The following MTX2 variants were observed in gnomAD, a reference collection of about 807,000 sequenced individuals.
The protein encoded by MTX2 is metaxin 2, also known as metaxin-2.
In MTX2, 35 loss-of-function variants were observed where a neutral mutation model predicts 42.3. The observed-to-expected ratio is 0.83, with a 90% CI of 0.63 to 1.10. The LOEUF is 1.10. Ranked by LOEUF, MTX2 falls within the 50% of genes least tolerant of loss-of-function variation. MTX2 has a pLI of 0.00. For synonymous variants in MTX2, 119 were observed against 100.9 expected, an observed-to-expected ratio of 1.18 and a Z score of -1.08; for missense variants, 307 against 304.1, an observed-to-expected ratio of 1.01 and a Z score of -0.07.
intron 3 of MTX2, among the ~76,000 whole-genome samples, 167 bp downstream of exon 3, chr2:176,298,062 A>G (rs898335405): frequency 1.3e-5 from 2 of 151,880 alleles, no homozygotes; most frequent in African/African-American, 4.8e-5. Flanking sequence ...GTGAAGAATA[A>G]TTTTATTATG....
At position 176,337,847 on chromosome 2, in the gene MTX2, AT is replaced by A; in HGVS notation, c.*186del. The stretch of plus-strand genomic sequence containing the variant: ...GTATACATTAAAATAATTCTGAATT[AT>A]TTAATCTGATATGTTGTATTCTGTA... On this transcript the variant is annotated 3_prime_UTR_variant, in exon 10 of 10. Coordinates refer to ENST00000249442, the MANE Select transcript of MTX2 (RefSeq NM_006554.5). The A allele has an allele frequency of 2.2e-6, 1 of 457,650 alleles. No individual in the cohort carries two copies. The allele number at this position is 457,650 out of a possible 1,614,324, so 28.3% of individuals were successfully genotyped here.
At chr2:176,288,228 ATAAAGTCCCATATCATCATATTTTAAGTC>A (rs1358821637) in intron 1 of MTX2, among the ~76,000 whole-genome samples, 13 of 152,228 alleles carry the variant, frequency 8.5e-5, no homozygotes, top group African/African-American at 2.6e-4. Context: ...TTCAGTTTTG[ATAAAGTCCCATATCATCATATTTTAAGTC>A]TAAACATCTT....
chr2:176,330,708 G>A (rs915678373), intron 9 of MTX2, 48 bp downstream of exon 9: 7 of 1,285,808 alleles, frequency 5.4e-6, no homozygotes, highest in Non-Finnish European at 7.7e-6. Flanking sequence ...CTGTTAGGTT[G>A]CAAATTTCTT....
chr2:176,274,644 A>G lies in MTX2; in HGVS notation c.40+4975A>G, dbSNP rs1692903347. 2.6e-5 allele frequency among the ~76,000 whole-genome samples: 4 copies of G among 152,160 alleles called. No individual in the cohort carries two copies. In the South Asian group the frequency reaches 8.3e-4, roughly 32 times the overall value. ...TGGCAAAGTAAGTGCAAAGCATGCA[A>G]GGCGGGCAGTCAGGAGCCGGGGGAG... On this transcript the variant is annotated intron_variant, in intron 1 of 9. Transcript: ENST00000249442.
At chr2:176,270,158 C>T (rs909680943) in intron 1 of MTX2, 3 of 332,748 alleles carry the variant, frequency 9.0e-6, no homozygotes, top group African/African-American at 4.3e-5. Context: ...TTTGCTAAGA[C>T]TCTAGGAGTT....
rs6751724 is a variant in MTX2, at chr2:176,311,850, C to T, written c.136-11542C>T. ...GAAAGGGATATCCCCTGACCCCTTG[C>T]GCTTCCTGGGTGAGGCAGTGCCCCA... On this transcript the variant is annotated intron_variant, in intron 3 of 9. Transcript: ENST00000249442. Among the ~76,000 whole-genome samples the T allele has an allele frequency of 7.3e-4, 111 of 152,188 alleles. 1 individual carries two copies. The highest frequency in any genetic ancestry group is 1.9e-3 in the African/African-American group (78 of 41,526).
chr2:176,322,062 T>A (rs1263772955), intron 3 of MTX2, among the ~76,000 whole-genome samples: 2 of 152,096 alleles, frequency 1.3e-5, no homozygotes, highest in Non-Finnish European at 2.9e-5. Flanking sequence ...CATGCATACA[T>A]AAGTTACAGA....
chr2:176,328,078 A>G (rs1684752790), intron 5 of MTX2, among the ~76,000 whole-genome samples: 1 of 151,216 alleles, frequency 6.6e-6, no homozygotes, highest in African/African-American at 2.4e-5. Context: ...TCTCTATTGA[A>G]AGATACATTT....
rs1346521587 is a variant in MTX2, at chr2:176,337,434, GT to G, written c.621-55del. 6.3e-6 allele frequency: 9 copies of G among 1,432,956 alleles called. No homozygotes were observed. In the African/African-American group the frequency reaches 1.2e-4, roughly 18 times the overall value. The allele number at this position is 1,432,956 out of a possible 1,614,324, so 88.8% of individuals were successfully genotyped here. On this transcript the variant is annotated intron_variant, in intron 9 of 9. Coordinates refer to ENST00000249442, the MANE Select transcript of MTX2 (RefSeq NM_006554.5). ...CCTGTGGGTGAAGAGGGCCAACTGT[GT>G]TTTCTATTGTAAAAGTTAAATGCTA... is the stretch of plus-strand genomic sequence containing the variant.
chr2:176,290,804 A>T (rs1403933579), intron 1 of MTX2, among the ~76,000 whole-genome samples: 2 of 148,786 alleles, frequency 1.3e-5, no homozygotes, highest in Non-Finnish European at 3.0e-5. Flanking sequence ...TGTGTGCAAG[A>T]CAACCCTTTG....
intron 7 of MTX2, 104 bp from the exon 8 acceptor site, chr2:176,329,197 C>G (rs1684794921): frequency 1.5e-6 from 2 of 1,310,300 alleles, no homozygotes; most frequent in Non-Finnish European, 2.1e-6. Context: ...TCAGATTGCT[C>G]TATTTATGTT....
intron 4 of MTX2, among the ~76,000 whole-genome samples, chr2:176,326,320 T>G (rs907845825): frequency 6.6e-6 from 1 of 151,728 alleles, no homozygotes; most frequent in African/African-American, 2.4e-5. Flanking sequence ...TTAAAGAGAT[T>G]TATTGATATA....
At chr2:176,319,539 C>T (rs1237565136) in intron 3 of MTX2, among the ~76,000 whole-genome samples, 2 of 151,420 alleles carry the variant, frequency 1.3e-5, no homozygotes, top group Admixed American at 6.6e-5. Context: ...CTATAGGTGC[C>T]TGCCACCACA....
chr2:176,271,122 A>G (rs1043728861), intron 1 of MTX2, among the ~76,000 whole-genome samples: 1 of 152,118 alleles, frequency 6.6e-6, no homozygotes, highest in African/African-American at 2.4e-5. Flanking sequence ...ATTTCTAGGC[A>G]TTTTGTCTGT....
At chr2:176,289,629 A>G (rs1459485748) in intron 1 of MTX2, among the ~76,000 whole-genome samples, 2 of 152,094 alleles carry the variant, frequency 1.3e-5, no homozygotes, top group African/African-American at 4.8e-5. Flanking sequence ...ATCTTTTGTT[A>G]GAGAATACTA....
At chr2:176,301,819 T>A (rs574359068) in intron 3 of MTX2, among the ~76,000 whole-genome samples, 1 of 152,306 alleles carries the variant, frequency 6.6e-6, no homozygotes, top group Admixed American at 6.5e-5. Context: ...AGCTTTTGTA[T>A]CTTTGAAATG....
intron 9 of MTX2, among the ~76,000 whole-genome samples, chr2:176,334,109 T>C (rs1372377540): frequency 6.6e-6 from 1 of 151,774 alleles, no homozygotes; most frequent in Non-Finnish European, 1.5e-5. Context: ...CATGCCCATA[T>C]ATAATTCAGT....
chr2:176,289,774 G>A (rs1331369845), intron 1 of MTX2, among the ~76,000 whole-genome samples: 2 of 151,944 alleles, frequency 1.3e-5, no homozygotes, highest in African/African-American at 4.8e-5. Flanking sequence ...TAAAAGGTGG[G>A]TAGTTTAATT....
chr2:176,307,172 T>C (rs1488297542), intron 3 of MTX2, among the ~76,000 whole-genome samples: 26 of 152,264 alleles, frequency 1.7e-4, no homozygotes, highest in East Asian at 5.8e-4. Flanking sequence ...GGAATCCTTT[T>C]CACATTTCTT....
Sources: gnomAD v4.1 joint callset for allele counts (sites outside exome capture counted in the v4.1 genomes callset) on GRCh38, gnomAD v4.1.1 for gene constraint, MANE v1.5 for transcripts, NCBI Gene and HGNC (gene_info 2026-07-23, HGNC 2026-07-21) for gene names.